VWA3A: variants seen among roughly 807,000 people sequenced by gnomAD.
VWA3A encodes the protein von Willebrand factor A domain containing 3A.
A neutral mutation model predicts 160.4 loss-of-function variants in VWA3A; 134 were observed. The observed-to-expected ratio is 0.84, with a 90% CI of 0.73 to 0.96. VWA3A has a LOEUF of 0.96. Among genes scored for constraint, VWA3A ranks in the 40% least tolerant of loss-of-function variants. VWA3A has a pLI of 0.00. For synonymous variants in VWA3A, 476 were observed against 543.4 expected, an observed-to-expected ratio of 0.88 and a Z score of 1.72; for missense variants, 1,310 against 1,447.9, an observed-to-expected ratio of 0.90 and a Z score of 1.55.
chr16:22,119,601 T>C (rs2045700841), intron 12 of VWA3A, among the ~76,000 whole-genome samples: 2 of 152,198 alleles, frequency 1.3e-5, no homozygotes, highest in Admixed American at 1.3e-4. Context: ...ACCTGGGAGA[T>C]TGAGGCTGCA....
At position 22,100,464 on chromosome 16, in the gene VWA3A, C is replaced by T. The variant is rs1284599673; in HGVS notation, c.399C>T (p.Ile133=). 1 of 1,551,612 alleles carries T rather than the reference C, an allele frequency of 6.4e-7. No homozygotes were observed. Among genetic ancestry groups the T allele is most frequent in the East Asian group, 2.4e-5 (1 of 40,914 alleles). Residue 133 remains isoleucine, a synonymous_variant, in exon 5 of 34, where the codon ATC becomes ATT. Transcript: ENST00000389398. ...VVQKICFSTQ[I]IRHFESKLSD... ...AGAAAATATGTTTCTCCACCCAGAT[C>T]ATCCGCCATTTTGAGTCAAAGCTTT...
At chr16:22,101,189 C>T (rs1354960745) in intron 5 of VWA3A, among the ~76,000 whole-genome samples, 2 of 151,406 alleles carry the variant, frequency 1.3e-5, no homozygotes, top group East Asian at 2.0e-4. Flanking sequence ...CCCAGAAGTT[C>T]GAGGCTGCAG....
At position 22,132,946 on chromosome 16, in the gene VWA3A, T is replaced by A. The variant is rs1479070143; in HGVS notation, c.1919T>A (p.Leu640His). 1 of 1,613,868 alleles carries A rather than the reference T, an allele frequency of 6.2e-7. No individual in the cohort carries two copies. Among genetic ancestry groups the A allele is most frequent in the Non-Finnish European group, 8.5e-7 (1 of 1,179,886 alleles). The change falls in exon 20 of 34, where the codon CTC becomes CAC. Residue 640 changes from leucine (L) to histidine (H), a missense_variant. Leu to His is a moderately conservative substitution (Grantham distance 99). Transcript: ENST00000389398. The part of the protein sequence containing the change: ...YMAEACGGCD[L>H]QLNVCLFYVG... ...GCTGAGGCCTGTGGCGGCTGCGACC[T>A]CCAGCTGAACGTGTGTCTCTTCTAC...
intron 2 of VWA3A, 138 bp from the exon 3 acceptor site, chr16:22,097,434 C>A: frequency 8.9e-7 from 1 of 1,127,158 alleles, no homozygotes; most frequent in Non-Finnish European, 1.2e-6. Context: ...CAGGACTCTG[C>A]AGGAATCCTT....
intron 21 of VWA3A, among the ~76,000 whole-genome samples, chr16:22,136,134 A>G (rs2046035663): frequency 6.6e-6 from 1 of 152,180 alleles, no homozygotes; most frequent in African/African-American, 2.4e-5. Flanking sequence ...TCCTCAGAGG[A>G]GTTGAGCAGG....
intron 1 of VWA3A, 35 bp downstream of exon 1, chr16:22,092,686 G>A: frequency 6.5e-7 from 1 of 1,550,242 alleles, no homozygotes. Context: ...GACAGGGGTG[G>A]TGAGAGGGTG....
intron 30 of VWA3A, 105 bp downstream of exon 30, chr16:22,150,951 G>C (rs1429385634): frequency 7.4e-7 from 1 of 1,357,964 alleles, no homozygotes; most frequent in African/African-American, 1.5e-5. Context: ...ACTTAGACAC[G>C]GGTTTCTCCT....
intron 24 of VWA3A, among the ~76,000 whole-genome samples, 171 bp downstream of exon 24, chr16:22,141,863 T>A (rs554029286): frequency 1.4e-4 from 22 of 152,304 alleles, no homozygotes. Flanking sequence ...GAAATGGACA[T>A]GCAAAGTTTT....
chr16:22,146,059 C>T (rs1242537856), intron 26 of VWA3A, among the ~76,000 whole-genome samples, 177 bp from the exon 27 acceptor site: 1 of 152,144 alleles, frequency 6.6e-6, no homozygotes, highest in African/African-American at 2.4e-5. Flanking sequence ...TGGGCTCAAG[C>T]GATCCTCCTG....
At chr16:22,099,007 G>T (rs950729637) in intron 3 of VWA3A, among the ~76,000 whole-genome samples, 1 of 151,092 alleles carries the variant, frequency 6.6e-6, no homozygotes, top group Non-Finnish European at 1.5e-5. Context: ...TAGGAAGGAG[G>T]ATCACTTGAG....
At chr16:22,135,948 C>T (rs936673716) in intron 21 of VWA3A, among the ~76,000 whole-genome samples, 3 of 152,064 alleles carry the variant, frequency 2.0e-5, no homozygotes, top group African/African-American at 7.2e-5. Flanking sequence ...CGCCACCACG[C>T]CTGACTGATT....
At chr16:22,103,436 G>A (rs763860166) in intron 5 of VWA3A, 39 bp from the exon 6 acceptor site, 23 of 1,542,638 alleles carry the variant, frequency 1.5e-5, no homozygotes, top group Middle Eastern at 1.7e-4. Flanking sequence ...CAGTGATGAC[G>A]CTGGCCTTGG....
At chr16:22,125,164 G>A (rs945900862) in intron 16 of VWA3A, among the ~76,000 whole-genome samples, 4 of 151,318 alleles carry the variant, frequency 2.6e-5, no homozygotes, top group African/African-American at 9.7e-5. Flanking sequence ...GATCACTTGA[G>A]GCCAGGAGTT....
Position 22,106,362 on chromosome 16 carries a change from G to A in VWA3A, c.483+2833G>A, listed in dbSNP as rs1324268419. 3.3e-5 allele frequency among the ~76,000 whole-genome samples: 5 copies of A among 152,098 alleles called. No homozygotes were observed. The South Asian group carries it at 1.0e-3, about 32-fold the overall frequency. Reference sequence around the variant, plus strand: ...ATCGTGCCACTGCACTCCAGTCTGGGAGACAGAGTGAGACTCCCTCTCAAA... The same window carrying A: ...ATCGTGCCACTGCACTCCAGTCTGGAAGACAGAGTGAGACTCCCTCTCAAA... On this transcript the variant is annotated intron_variant, in intron 6 of 33. Transcript: ENST00000389398.
intron 10 of VWA3A, 119 bp from the exon 11 acceptor site, chr16:22,116,992 T>C (rs776322661): frequency 7.0e-7 from 1 of 1,422,558 alleles, no homozygotes; most frequent in Non-Finnish European, 9.7e-7. Flanking sequence ...TCCCTGTGCC[T>C]GGTTCTCCCT....
chr16:22,141,131 G>A lies in VWA3A; in HGVS notation c.2384-451G>A, dbSNP rs190968851. 4.2e-4 allele frequency: 192 copies of A among 454,684 alleles called. 1 individual carries two copies. Among genetic ancestry groups the A allele is most frequent in the African/African-American group, 3.4e-3 (170 of 50,172 alleles). 28.2% of individuals were successfully genotyped at this position (454,684 alleles called of 1,614,324 possible). A position where few individuals can be genotyped will look rare whatever the true frequency, so the allele number is the denominator to read the frequency against. On this transcript the variant is annotated intron_variant, in intron 23 of 33. Transcript: ENST00000389398. ...GATCATGTGCCACTAGTGGTAACAG[G>A]CCTTCACAATCTTAATGAAAGTACT...
At chr16:22,133,431 C>T (rs151319240) in intron 20 of VWA3A, among the ~76,000 whole-genome samples, 18 of 152,054 alleles carry the variant, frequency 1.2e-4, no homozygotes, top group South Asian at 6.2e-4. Context: ...GTGGTCAGAT[C>T]GCTTGAGATC....
intron 23 of VWA3A, 103 bp from the exon 24 acceptor site, chr16:22,141,479 G>T: frequency 9.4e-7 from 1 of 1,068,490 alleles, no homozygotes; most frequent in African/African-American, 1.6e-5. Context: ...CCCATTTCCT[G>T]GGGTGGAGTA....
At chr16:22,140,869 C>T (rs2046134866) in intron 23 of VWA3A, among the ~76,000 whole-genome samples, 1 of 152,134 alleles carries the variant, frequency 6.6e-6, no homozygotes, top group Non-Finnish European at 1.5e-5. Flanking sequence ...GCCTCGGCCT[C>T]CCAAAGTGCT....
Sources: allele counts gnomAD v4.1 joint callset (sites outside exome capture counted in the v4.1 genomes callset), GRCh38; gene constraint gnomAD v4.1.1; transcripts MANE v1.5; gene names NCBI Gene and HGNC (gene_info 2026-07-23, HGNC 2026-07-21).